SVIL: variants seen among roughly 807,000 people sequenced by gnomAD.
SVIL encodes supervillin.
SVIL carries 101 observed loss-of-function variants against 240.4 expected under a neutral mutation model. The ratio of observed to expected loss-of-function variants is 0.42; its 90% CI spans 0.36 to 0.50. SVIL has a LOEUF of 0.50. SVIL is among the 20% of genes least tolerant of loss of function. The probability of loss-of-function intolerance (pLI) is 0.01; values close to 1 mark genes in which losing one functional copy is unlikely to be tolerated. For missense variants in SVIL, 2,512 were observed against 2,818.7 expected (o/e 0.89, Z 2.46); for synonymous variants, 999 against 1,100.0 (o/e 0.91, Z 1.82).
intron 1 of SVIL, among the ~76,000 whole-genome samples, chr10:29,571,375 C>T (rs1428534841): frequency 6.6e-6 from 1 of 152,190 alleles, no homozygotes; most frequent in Non-Finnish European, 1.5e-5. Flanking sequence ...CCTAACCATC[C>T]TCGGAGGAGT....
chr10:29,643,561 T>G (rs1041793678), intron 3 of SVIL, among the ~76,000 whole-genome samples: 3 of 152,232 alleles, frequency 2.0e-5, no homozygotes, highest in African/African-American at 7.2e-5. Context: ...TCATTTTGTT[T>G]GTGCATAAAT....
chr10:29,506,212 T>TA (rs1949262734), intron 17 of SVIL, among the ~76,000 whole-genome samples: 1 of 152,070 alleles, frequency 6.6e-6, no homozygotes, highest in Non-Finnish European at 1.5e-5. Flanking sequence ...TCTTTTCCTT[T>TA]AAAGTTTAAT....
chr10:29,556,331 A>C (rs1384213380), intron 3 of SVIL, among the ~76,000 whole-genome samples: 1 of 152,190 alleles, frequency 6.6e-6, no homozygotes, highest in Non-Finnish European at 1.5e-5. Context: ...AAGTTTTGAA[A>C]GGCTGAGTCA....
chr10:29,623,781 G>C (rs888913564), intron 1 of SVIL, among the ~76,000 whole-genome samples: 2 of 151,652 alleles, frequency 1.3e-5, no homozygotes, highest in Non-Finnish European at 2.9e-5. Flanking sequence ...AACCCAGGAG[G>C]GGGAGGTTGC....
chr10:29,522,597 T>TC lies in SVIL; in HGVS notation c.3201dup (p.Thr1068AspfsTer52). ...TGAGCAATAGTTTTCCCAGCAGCTG[T>TC]CCCCGTCTGCTCGGAAGTGGGCTCC... On this transcript the variant is annotated frameshift_variant, in exon 16 of 38. Coordinates refer to ENST00000355867, the MANE Select transcript of SVIL (RefSeq NM_021738.3). LOFTEE classifies it high-confidence loss of function. The TC allele has an allele frequency of 6.2e-7, 1 of 1,614,128 alleles. No homozygotes were observed. Among genetic ancestry groups the TC allele is most frequent in the Non-Finnish European group, 8.5e-7 (1 of 1,180,022 alleles).
chr10:29,674,146 C>T (rs760008294), intron 2 of SVIL, among the ~76,000 whole-genome samples: 1 of 151,810 alleles, frequency 6.6e-6, no homozygotes, highest in Non-Finnish European at 1.5e-5. Context: ...GTCTAGGCAA[C>T]ATAGCAAGAC....
chr10:29,710,294 T>A (rs1162901155), intron 1 of SVIL, among the ~76,000 whole-genome samples: 1 of 152,220 alleles, frequency 6.6e-6, no homozygotes, highest in Non-Finnish European at 1.5e-5. Flanking sequence ...GCTCAATTGA[T>A]CTGCCCACCT....
chr10:29,575,816 G>T (rs1184484713), intron 1 of SVIL, among the ~76,000 whole-genome samples: 1 of 152,148 alleles, frequency 6.6e-6, no homozygotes, highest in Non-Finnish European at 1.5e-5. Flanking sequence ...ATCCTCATGA[G>T]AAAATCCTTA....
At chr10:29,545,863 A>G (rs941487670) in intron 6 of SVIL, among the ~76,000 whole-genome samples, 3 of 129,576 alleles carry the variant, frequency 2.3e-5, no homozygotes, top group South Asian at 2.6e-4. Flanking sequence ...CAAAAAAAAA[A>G]AAAAAAAAAA....
chr10:29,508,162 T>C (rs368623848), intron 17 of SVIL: 101 of 335,212 alleles, frequency 3.0e-4, no homozygotes, highest in African/African-American at 2.0e-3. Context: ...ATTACATGAT[T>C]AAAAAATAGT....
intron 3 of SVIL, among the ~76,000 whole-genome samples, chr10:29,645,784 A>G (rs1706524620): frequency 6.6e-6 from 1 of 152,222 alleles, no homozygotes. Context: ...TTGGACTACT[A>G]AAGTGGATTA....
chr10:29,462,151 G>T, intron 36 of SVIL, 126 bp downstream of exon 36: 2 of 1,242,864 alleles, frequency 1.6e-6, no homozygotes, highest in Non-Finnish European at 2.2e-6. Flanking sequence ...GGTTTGTTAA[G>T]ATGTTGCAAA....
intron 16 of SVIL, among the ~76,000 whole-genome samples, chr10:29,515,329 C>T (rs1399417448): frequency 6.6e-6 from 1 of 152,204 alleles, no homozygotes; most frequent in East Asian, 1.9e-4. Context: ...CCATTTCATA[C>T]TATATAATGA....
At chr10:29,468,364 A>T (rs1266832231) in intron 32 of SVIL, among the ~76,000 whole-genome samples, 2 of 152,060 alleles carry the variant, frequency 1.3e-5, no homozygotes, top group Admixed American at 1.3e-4. Flanking sequence ...ATGTTGGTAG[A>T]TATTTGGGTT....
chr10:29,539,447 A>T (rs1951984434), intron 6 of SVIL, among the ~76,000 whole-genome samples: 1 of 152,190 alleles, frequency 6.6e-6, no homozygotes, highest in Non-Finnish European at 1.5e-5. Flanking sequence ...TGATCTAGAA[A>T]AGCATTTCTC....
At chr10:29,549,719 G>C (rs1953057127) in intron 6 of SVIL, among the ~76,000 whole-genome samples, 1 of 143,378 alleles carries the variant, frequency 7.0e-6, no homozygotes, top group East Asian at 2.0e-4. Flanking sequence ...CATGTCCTTT[G>C]CAGGGACATG....
chr10:29,634,936 G>A lies in SVIL; in HGVS notation c.-717C>T, dbSNP rs989541115. The A allele has an allele frequency of 6.6e-6, 1 of 152,196 alleles. No individual in the cohort carries two copies. Among genetic ancestry groups the A allele is most frequent in the East Asian group, 1.9e-4 (1 of 5,190 alleles). The allele number at this position is 152,196 out of a possible 1,614,324, so 9.4% of individuals were successfully genotyped here. On this transcript the variant is annotated 5_prime_UTR_variant, in exon 1 of 38. Transcript: ENST00000355867. Reference sequence around the variant, plus strand: ...TGGGCAAATCCACATGAAACCTGAGGACACTTCAGCCTGGGGAGGACGCAG... The same window carrying A: ...TGGGCAAATCCACATGAAACCTGAGAACACTTCAGCCTGGGGAGGACGCAG...
chr10:29,614,526 C>G (rs1386076849), intron 1 of SVIL, among the ~76,000 whole-genome samples: 1 of 152,098 alleles, frequency 6.6e-6, no homozygotes, highest in Non-Finnish European at 1.5e-5. Flanking sequence ...ATGGATGAAG[C>G]TGGAAACCAT....
rs757635197 is a variant in SVIL, at chr10:29,532,150, C to CCGA, written c.1858_1860dup (p.Ser620dup). 2.3e-4 allele frequency: 372 copies of CCGA among 1,613,818 alleles called. 1 individual carries two copies. Among genetic ancestry groups the CCGA allele is most frequent in the Non-Finnish European group, 3.1e-4 (364 of 1,179,888 alleles). On this transcript the variant is annotated inframe_insertion, in exon 9 of 38. Coordinates refer to ENST00000355867, the MANE Select transcript of SVIL (RefSeq NM_021738.3). Reference sequence around the variant, plus strand: ...CCGGTGGGCAAGCCAGGTCCTTCAGCCGACCTCTCCACCCGTGATTTGCTT... The same window carrying CCGA: ...CCGGTGGGCAAGCCAGGTCCTTCAGCCGACGACCTCTCCACCCGTGATTTGCTT...
Sources: gnomAD v4.1 joint callset for allele counts (sites outside exome capture counted in the v4.1 genomes callset) on GRCh38, gnomAD v4.1.1 for gene constraint, MANE v1.5 for transcripts, NCBI Gene and HGNC (gene_info 2026-07-23, HGNC 2026-07-21) for gene names.